Variants in FMN1 observed in about 807,000 individuals in gnomAD.
FMN1 encodes the protein formin 1.
Under a neutral mutation model 132.4 loss-of-function variants are expected in FMN1, and 110 were observed. The ratio of observed to expected loss-of-function variants is 0.83; its 90% CI spans 0.71 to 0.97. The LOEUF is 0.97. Ranked by LOEUF, FMN1 falls within the 50% of genes least tolerant of loss-of-function variation. The pLI is 0.00. For synonymous variants in FMN1, 722 were observed against 651.7 expected (o/e 1.11, Z -1.64); for missense variants, 1,792 against 1,705.3 (o/e 1.05, Z -0.90).
intron 17 of FMN1, among the ~76,000 whole-genome samples, chr15:32,833,910 C>A (rs1369252452): frequency 1.3e-5 from 2 of 152,160 alleles, no homozygotes; most frequent in African/African-American, 2.4e-5. Context: ...CTCTTGGGTT[C>A]CTCCATAAGC....
chr15:32,932,799 T>C (rs1438801250), intron 9 of FMN1, among the ~76,000 whole-genome samples: 3 of 152,200 alleles, frequency 2.0e-5, no homozygotes, highest in Non-Finnish European at 4.4e-5. Context: ...TTGTTCATAG[T>C]AGGTTCTTAT....
chr15:32,996,984 G>A (rs1045662403), intron 7 of FMN1, among the ~76,000 whole-genome samples: 2 of 152,134 alleles, frequency 1.3e-5, no homozygotes, highest in African/African-American at 2.4e-5. Flanking sequence ...AAATCGTAAC[G>A]AAGAAGTAAG....
intron 3 of FMN1, among the ~76,000 whole-genome samples, chr15:33,165,582 G>A (rs1052303008): frequency 6.6e-6 from 1 of 152,084 alleles, no homozygotes; most frequent in Non-Finnish European, 1.5e-5. Flanking sequence ...TAGTAGAGAC[G>A]GGGTTTCACT....
intron 4 of FMN1, among the ~76,000 whole-genome samples, chr15:33,124,241 G>A (rs946661288): frequency 6.7e-6 from 1 of 149,638 alleles, no homozygotes; most frequent in African/African-American, 2.6e-5. Flanking sequence ...AAAGGAAACA[G>A]ATGTTATGTG....
chr15:32,977,063 G>A (rs1489146750), intron 7 of FMN1, among the ~76,000 whole-genome samples: 2 of 152,160 alleles, frequency 1.3e-5, no homozygotes, highest in African/African-American at 2.4e-5. Flanking sequence ...AATATCAGAT[G>A]ACTCCCTAAA....
intron 6 of FMN1, among the ~76,000 whole-genome samples, chr15:33,011,263 T>C (rs1374700607): frequency 6.6e-6 from 1 of 152,100 alleles, no homozygotes; most frequent in Non-Finnish European, 1.5e-5. Context: ...ATTTATAGGG[T>C]CACTTGATAT....
At chr15:32,930,748 C>T (rs2122436) in intron 9 of FMN1, among the ~76,000 whole-genome samples, 62,078 of 151,570 alleles carry the variant, frequency 0.41, 13,105 homozygotes, top group African/African-American at 0.51. Context: ...GCTTTTCATG[C>T]TATATCCAGG....
At chr15:32,977,807 A>G (rs1203288195) in intron 7 of FMN1, among the ~76,000 whole-genome samples, 1 of 152,094 alleles carries the variant, frequency 6.6e-6, no homozygotes, top group African/African-American at 2.4e-5. Context: ...ACAAAATCAG[A>G]TTCAAGAAGG....
chr15:32,854,697 G>A (rs1272429564), intron 17 of FMN1, among the ~76,000 whole-genome samples: 1 of 152,118 alleles, frequency 6.6e-6, no homozygotes, highest in African/African-American at 2.4e-5. Flanking sequence ...TGGATCGCCT[G>A]AGGTCAGGAG....
intron 17 of FMN1, among the ~76,000 whole-genome samples, chr15:32,841,451 G>A (rs1308354135): frequency 1.3e-5 from 2 of 152,042 alleles, no homozygotes; most frequent in Non-Finnish European, 2.9e-5. Context: ...ACATAACATT[G>A]GTAGATAAAC....
At chr15:32,931,221 T>C (rs57544320) in intron 9 of FMN1, among the ~76,000 whole-genome samples, 1 of 152,210 alleles carries the variant, frequency 6.6e-6, no homozygotes, top group Non-Finnish European at 1.5e-5. Flanking sequence ...TTCCTATTTC[T>C]GCAAAGCAGC....
chr15:32,911,001 C>T (rs898285780), intron 10 of FMN1, among the ~76,000 whole-genome samples: 2 of 152,184 alleles, frequency 1.3e-5, no homozygotes, highest in Non-Finnish European at 2.9e-5. Context: ...GGCACCTTTC[C>T]GTGGCCACTG....
At chr15:32,998,041 T>A (rs2033880718) in intron 7 of FMN1, among the ~76,000 whole-genome samples, 1 of 152,198 alleles carries the variant, frequency 6.6e-6, no homozygotes, top group African/African-American at 2.4e-5. Flanking sequence ...GCAATCAACA[T>A]AAGTAGAGGA....
chr15:33,181,361 C>T (rs1965693809), intron 2 of FMN1, among the ~76,000 whole-genome samples: 1 of 152,238 alleles, frequency 6.6e-6, no homozygotes. Context: ...TCTCCTGCCT[C>T]TTCCGAGCAG....
chr15:33,134,039 G>A (rs1963658547), intron 4 of FMN1, among the ~76,000 whole-genome samples: 1 of 152,094 alleles, frequency 6.6e-6, no homozygotes, highest in Non-Finnish European at 1.5e-5. Flanking sequence ...CTGCAGCCTT[G>A]AACTCCCTCA....
At chr15:33,085,692 G>T (rs1353625714) in intron 5 of FMN1, among the ~76,000 whole-genome samples, 1 of 151,526 alleles carries the variant, frequency 6.6e-6, no homozygotes, top group Non-Finnish European at 1.5e-5. Context: ...TTATAGAAAA[G>T]AATCCACCTC....
chr15:32,777,460 ATATTACG>A (rs2056457821), intron 19 of FMN1, among the ~76,000 whole-genome samples: 1 of 6,044 alleles, frequency 1.7e-4, no homozygotes, highest in African/African-American at 1.8e-4. Flanking sequence ...TTATATTTAT[ATATTACG>A]TATATTTATA....
At chr15:32,968,191 T>C (rs542680376) in intron 8 of FMN1, among the ~76,000 whole-genome samples, 2 of 152,236 alleles carry the variant, frequency 1.3e-5, no homozygotes, top group Non-Finnish European at 2.9e-5. Context: ...AGAGTTTGTA[T>C]TTTAAGACTC....
intron 4 of FMN1, among the ~76,000 whole-genome samples, chr15:33,132,665 A>C (rs2140230319): frequency 6.6e-6 from 1 of 152,292 alleles, no homozygotes. Context: ...CCAGCCTATT[A>C]TTCTTCTTGG....
Sources: gnomAD v4.1 joint callset for allele counts (sites outside exome capture counted in the v4.1 genomes callset) on GRCh38, gnomAD v4.1.1 for gene constraint, MANE v1.5 for transcripts, NCBI Gene and HGNC (gene_info 2026-07-23, HGNC 2026-07-21) for gene names.